Variants in DNAJC15 observed in about 807,000 individuals in gnomAD.
The protein encoded by DNAJC15 is dnaJ homolog subfamily C member 15.
Under a neutral mutation model 22.4 loss-of-function variants are expected in DNAJC15, and 27 were observed. The ratio of observed to expected loss-of-function variants is 1.20; its 90% CI spans 0.89 to 1.66. The LOEUF (loss-of-function observed/expected upper bound fraction) is 1.66, where lower values mean the gene tolerates loss of function less well. Ranked by LOEUF, DNAJC15 falls within the 40% of genes most tolerant of loss-of-function variation. The pLI is 0.00. For synonymous variants in DNAJC15, 79 were observed against 63.2 expected (o/e 1.25, Z -1.19); for missense variants, 208 against 187.1 (o/e 1.11, Z -0.65).
At position 43,112,560 on chromosome 13, in the gene DNAJC15, TTAGAA is replaced by T. The variant is rs1260135826; in HGVS notation, c.*5315_*5319del. The T allele has an allele frequency of 6.6e-6, 1 of 152,208 alleles. No homozygotes were observed. The highest frequency in any genetic ancestry group is 1.5e-5 in the Non-Finnish European group (1 of 68,034). 9.4% of individuals were successfully genotyped at this position (152,208 alleles called of 1,614,324 possible). A position where few individuals can be genotyped will look rare whatever the true frequency, so the allele number is the denominator to read the frequency against. The stretch of plus-strand genomic sequence containing the variant: ...AAACTATAATGCTAAAAGCCAATAA[TTAGAA>T]TAAGTTCATTTTAAGAAAAGCATTA... On this transcript the variant is annotated 3_prime_UTR_variant, in exon 6 of 6. Coordinates refer to ENST00000379221, the MANE Select transcript of DNAJC15 (RefSeq NM_013238.3).
chr13:43,031,222 C>T (rs1437401991), intron 1 of DNAJC15, among the ~76,000 whole-genome samples: 2 of 152,042 alleles, frequency 1.3e-5, no homozygotes, highest in Non-Finnish European at 2.9e-5. Flanking sequence ...TCGAAAGAAA[C>T]CAGAAAGAGA....
intron 5 of DNAJC15, among the ~76,000 whole-genome samples, chr13:43,094,989 A>G (rs2040732786): frequency 6.6e-6 from 1 of 152,266 alleles, no homozygotes; most frequent in South Asian, 2.1e-4. Context: ...CACTAATTCA[A>G]CAGGTGGGGT....
chr13:43,074,916 G>A (rs1413468802), intron 3 of DNAJC15, among the ~76,000 whole-genome samples: 1 of 152,108 alleles, frequency 6.6e-6, no homozygotes, highest in Non-Finnish European at 1.5e-5. Flanking sequence ...GATCAAAAAT[G>A]TAGTATTCAT....
At chr13:43,080,814 C>T (rs921845766) in intron 4 of DNAJC15, among the ~76,000 whole-genome samples, 3 of 152,190 alleles carry the variant, frequency 2.0e-5, no homozygotes, top group African/African-American at 7.2e-5. Flanking sequence ...CCATGTCTGT[C>T]ACGAACGCAG....
chr13:43,060,850 G>A (rs1276640640), intron 1 of DNAJC15, among the ~76,000 whole-genome samples: 1 of 152,184 alleles, frequency 6.6e-6, no homozygotes, highest in Non-Finnish European at 1.5e-5. Context: ...TGACTGCGGT[G>A]GTCTTCTCAG....
chr13:43,058,796 G>A (rs887701717), intron 1 of DNAJC15, among the ~76,000 whole-genome samples: 1 of 152,216 alleles, frequency 6.6e-6, no homozygotes, highest in Non-Finnish European at 1.5e-5. Flanking sequence ...GGGACCAGGA[G>A]TGCTTATAGG....
Position 43,113,066 on chromosome 13 carries a change from C to T in DNAJC15, c.*5818C>T, listed in dbSNP as rs971816621. On this transcript the variant is annotated 3_prime_UTR_variant, in exon 6 of 6. Coordinates refer to ENST00000379221, the MANE Select transcript of DNAJC15 (RefSeq NM_013238.3). ...GACTTTCTTTGACTCAGAGTGATGA[C>T]GGAGGAAGCTTTGATAAGATTTTAT... 2.0e-5 allele frequency: 3 copies of T among 152,188 alleles called. No homozygotes were observed. Among genetic ancestry groups the T allele is most frequent in the East Asian group, 3.9e-4 (2 of 5,188 alleles). The allele number at this position is 152,188 out of a possible 1,614,324, so 9.4% of individuals were successfully genotyped here. A position where few individuals can be genotyped will look rare whatever the true frequency, so the allele number is the denominator to read the frequency against.
chr13:43,106,101 G>C (rs759462313), intron 5 of DNAJC15, among the ~76,000 whole-genome samples: 3 of 152,118 alleles, frequency 2.0e-5, no homozygotes, highest in Non-Finnish European at 4.4e-5. Flanking sequence ...CATAAGCTGG[G>C]TGGTATGGTA....
chr13:43,073,544 A>G (rs1199661510), intron 3 of DNAJC15, among the ~76,000 whole-genome samples: 1 of 152,126 alleles, frequency 6.6e-6, no homozygotes, highest in African/African-American at 2.4e-5. Flanking sequence ...TGATCTGTTT[A>G]TATTGTTCTG....
At chr13:43,037,989 ATATAT>A (rs1175078562) in intron 1 of DNAJC15, among the ~76,000 whole-genome samples, 5 of 152,228 alleles carry the variant, frequency 3.3e-5, no homozygotes, top group Non-Finnish European at 7.3e-5. Flanking sequence ...TTCCTCAATA[ATATAT>A]TTAATTGTTG....
intron 4 of DNAJC15, among the ~76,000 whole-genome samples, chr13:43,079,790 C>A (rs2040653343): frequency 6.6e-6 from 1 of 152,118 alleles, no homozygotes; most frequent in Non-Finnish European, 1.5e-5. Context: ...TTAGGACAGA[C>A]AGGAGTTGAC....
In DNAJC15 at chr13:43,114,146, A is replaced by T. The variant is rs2040836920; in HGVS notation, c.*6898A>T. On this transcript the variant is annotated 3_prime_UTR_variant, in exon 6 of 6. Transcript: ENST00000379221. ...GCTTTAAAATTGTAAAGGATAAACA[A>T]TAAGATAGTTTTATCTATGTGGTTT... 3 of 152,380 alleles carry T rather than the reference A, an allele frequency of 2.0e-5. No homozygotes were observed. Among genetic ancestry groups the T allele is most frequent in the South Asian group, 4.1e-4 (2 of 4,832 alleles). 9.4% of individuals were successfully genotyped at this position (152,380 alleles called of 1,614,324 possible). A position where few individuals can be genotyped will look rare whatever the true frequency, so the allele number is the denominator to read the frequency against.
chr13:43,061,157 G>A (rs1017494610), intron 1 of DNAJC15, among the ~76,000 whole-genome samples: 2 of 152,164 alleles, frequency 1.3e-5, no homozygotes, highest in African/African-American at 4.8e-5. Flanking sequence ...GTTATGAAAT[G>A]ACGACAGAAT....
At chr13:43,080,752 A>G (rs1299115159) in intron 4 of DNAJC15, among the ~76,000 whole-genome samples, 4 of 152,260 alleles carry the variant, frequency 2.6e-5, no homozygotes, top group African/African-American at 9.6e-5. Flanking sequence ...ACCTTTTTAC[A>G]TAATACCTAC....
intron 1 of DNAJC15, among the ~76,000 whole-genome samples, chr13:43,036,461 T>C (rs569990735): frequency 6.8e-4 from 103 of 152,328 alleles, no homozygotes; most frequent in African/African-American, 2.4e-3. Flanking sequence ...GATTGGTTGA[T>C]GGGTGGCTGG....
chr13:43,023,652 C>G lies in DNAJC15; in HGVS notation c.26C>G (p.Pro9Arg). 1 of 1,612,436 alleles carries G rather than the reference C, an allele frequency of 6.2e-7. No homozygotes were observed. The highest frequency in any genetic ancestry group is 8.5e-7 in the Non-Finnish European group (1 of 1,179,388). Residue 9 changes from proline (P) to arginine (R), a missense_variant, in exon 1 of 6, where the codon CCA (proline) becomes CGA (arginine). Pro to Arg is a moderately radical substitution (Grantham distance 103). Coordinates refer to ENST00000379221, the MANE Select transcript of DNAJC15 (RefSeq NM_013238.3). ...ATGGCTGCCCGTGGTGTCATCGCTC[C>G]AGTTGGCGAGAGTTTGCGCTACGCT... MAARGVIA[P>R]VGESLRYAEY... is the part of the protein sequence containing the mutation.
rs570695608 is a variant in DNAJC15 at position 43,110,585 on chromosome 13, T to C, written c.*3337T>C. ...CAGATAATAAATACAACTATTTTTCTGCTGTTACCCTTGTACCTAAAGATG... is the reference window on the plus strand; with the variant it reads ...CAGATAATAAATACAACTATTTTTCCGCTGTTACCCTTGTACCTAAAGATG... On this transcript the variant is annotated 3_prime_UTR_variant, in exon 6 of 6. Coordinates refer to ENST00000379221, the MANE Select transcript of DNAJC15 (RefSeq NM_013238.3). 1.3e-5 allele frequency: 2 copies of C among 152,294 alleles called. No homozygotes were observed. Among genetic ancestry groups the C allele is most frequent in the East Asian group, 3.8e-4 (2 of 5,196 alleles). 9.4% of individuals were successfully genotyped at this position (152,294 alleles called of 1,614,324 possible).
intron 1 of DNAJC15, among the ~76,000 whole-genome samples, chr13:43,060,085 G>A (rs2040551343): frequency 6.6e-6 from 1 of 152,166 alleles, no homozygotes; most frequent in African/African-American, 2.4e-5. Context: ...CTTAGCTTGG[G>A]CTCAGGGACC....
At chr13:43,028,410 T>C (rs907922390) in intron 1 of DNAJC15, among the ~76,000 whole-genome samples, 5 of 152,198 alleles carry the variant, frequency 3.3e-5, no homozygotes, top group Admixed American at 6.5e-5. Flanking sequence ...ATTTTCTTAG[T>C]CTTTATTGTT....
Sources: allele counts gnomAD v4.1 joint callset (sites outside exome capture counted in the v4.1 genomes callset), GRCh38; gene constraint gnomAD v4.1.1; transcripts MANE v1.5; gene names NCBI Gene and HGNC (gene_info 2026-07-23, HGNC 2026-07-21).